The following NCOR2 variants were observed in gnomAD, a reference collection of about 807,000 sequenced individuals.
The protein encoded by NCOR2 is nuclear receptor corepressor 2.
A neutral mutation model predicts 262.9 loss-of-function variants in NCOR2; 81 were observed. That is an observed-to-expected ratio of 0.31 (90% CI 0.26 to 0.37). The LOEUF is 0.37. Ranked by LOEUF, NCOR2 falls within the 10% of genes least tolerant of loss-of-function variation. The pLI is 1.00. For missense variants in NCOR2, 3,385 were observed against 3,621.4 expected (o/e 0.93, Z 1.68); for synonymous variants, 1,659 against 1,559.3 (o/e 1.06, Z -1.51).
chr12:124,392,462 G>A (rs955628555), intron 16 of NCOR2, among the ~76,000 whole-genome samples: 3 of 152,082 alleles, frequency 2.0e-5, no homozygotes, highest in African/African-American at 7.2e-5. Context: ...CCGAGGCACC[G>A]CACCGTCCCT....
chr12:124,354,039 G>C, intron 27 of NCOR2, 54 bp downstream of exon 29: 1 of 1,495,530 alleles, frequency 6.7e-7, no homozygotes, highest in Non-Finnish European at 9.1e-7. Flanking sequence ...TATAAGATGG[G>C]CTGGCCCCGT....
At chr12:124,333,890 G>GTA (rs1555299246) in intron 41 of NCOR2, among the ~76,000 whole-genome samples, 2 of 143,352 alleles carry the variant, frequency 1.4e-5, no homozygotes, top group East Asian at 3.9e-4. Flanking sequence ...GTGTGCATGT[G>GTA]TGTGTGCGCG....
intron 15 of NCOR2, among the ~76,000 whole-genome samples, chr12:124,400,047 C>T (rs2041913910): frequency 1.3e-5 from 2 of 152,120 alleles, no homozygotes; most frequent in African/African-American, 4.8e-5. Flanking sequence ...CTCCCAACAA[C>T]AGCCACCTCA....
At chr12:124,515,576 T>C (rs1191054657) in intron 1 of NCOR2, among the ~76,000 whole-genome samples, 1 of 152,162 alleles carries the variant, frequency 6.6e-6, no homozygotes, top group Non-Finnish European at 1.5e-5. Flanking sequence ...AGTGTGTGTG[T>C]GCATGTGCGC....
At chr12:124,449,164 C>T (rs2045369271) in intron 7 of NCOR2, among the ~76,000 whole-genome samples, 1 of 152,166 alleles carries the variant, frequency 6.6e-6, no homozygotes, top group Non-Finnish European at 1.5e-5. Flanking sequence ...CCTTGTACCC[C>T]GCTTGAAGAT....
At chr12:124,335,765 C>A (rs573477531) in intron 38 of NCOR2, 133 bp from the exon 41 acceptor site, 16 of 1,020,488 alleles carry the variant, frequency 1.6e-5, no homozygotes, top group Non-Finnish European at 1.8e-5. Context: ...AGGGTTTGGG[C>A]TCCCAAAGAC....
chr12:124,525,929 C>A (rs2050443648), intron 1 of NCOR2, among the ~76,000 whole-genome samples: 1 of 152,112 alleles, frequency 6.6e-6, no homozygotes, highest in Non-Finnish European at 1.5e-5. Context: ...AGAGTACATG[C>A]GTGTATGTAT....
intron 7 of NCOR2, among the ~76,000 whole-genome samples, chr12:124,439,079 A>AGG (rs2044620639): frequency 7.1e-6 from 1 of 140,166 alleles, no homozygotes; most frequent in Non-Finnish European, 1.6e-5. Context: ...ACCCAGAGAG[A>AGG]GAAACAGAGA....
At chr12:124,468,144 A>T (rs1593684568) in intron 4 of NCOR2, among the ~76,000 whole-genome samples, 1 of 42,720 alleles carries the variant, frequency 2.3e-5, no homozygotes, top group Non-Finnish European at 4.1e-5. Flanking sequence ...CCTCATCACC[A>T]TCACCCTCAT....
intron 11 of NCOR2, 92 bp downstream of exon 13, chr12:124,426,515 AGCACCCCCCGGCATG>A (rs1351466899): frequency 8.8e-7 from 1 of 1,139,330 alleles, no homozygotes; most frequent in Non-Finnish European, 1.2e-6. Flanking sequence ...TGCGGTTTTA[AGCACCCCCCGGCATG>A]CTCATTTGTG....
intron 6 of NCOR2, among the ~76,000 whole-genome samples, chr12:124,456,307 A>G (rs923021259): frequency 6.6e-6 from 1 of 152,336 alleles, no homozygotes; most frequent in East Asian, 1.9e-4. Flanking sequence ...ACGGCCATCC[A>G]TGCTGACCAG....
chr12:124,515,656 TGA>T (rs61652919), intron 1 of NCOR2, among the ~76,000 whole-genome samples: 92,721 of 151,642 alleles, frequency 0.61, 30,627 homozygotes, highest in East Asian at 0.88. Context: ...CATATGAGTG[TGA>T]GTGTGCATGT....
chr12:124,563,960 T>C (rs982927397), intron 1 of NCOR2, among the ~76,000 whole-genome samples: 7 of 152,264 alleles, frequency 4.6e-5, no homozygotes, highest in Admixed American at 3.9e-4. Context: ...ATCCAAGCTG[T>C]GTGACCTTGG....
At chr12:124,439,343 AGAGAGAGAGG>A (rs2044665894) in intron 7 of NCOR2, among the ~76,000 whole-genome samples, 2 of 67,928 alleles carry the variant, frequency 2.9e-5, no homozygotes, top group African/African-American at 5.8e-5. Flanking sequence ...ACAGAGACCC[AGAGAGAGAGG>A]GAGACAGAGA....
rs948734424 is a variant in NCOR2 at position 124,531,869 on chromosome 12, C to G, written c.-118+3696G>C. 2.0e-5 allele frequency among the ~76,000 whole-genome samples: 3 copies of G among 151,696 alleles called. No homozygotes were observed. Among genetic ancestry groups the G allele is most frequent in the Admixed American group, 1.3e-4 (2 of 15,252 alleles). On this transcript the variant is annotated intron_variant, in intron 1 of 46. Coordinates refer to the NCOR2 transcript ENST00000404621. This position sits in a 1 kb window ranked among gnomAD's most constrained non-coding sequence, Gnocchi z 4.5. ...CCCTCACCCCAATGTATAGACAATC[C>G]CAGACACCCACCTCCCCACCCCACT...
chr12:124,518,685 C>T (rs1037616737), intron 1 of NCOR2, among the ~76,000 whole-genome samples: 2 of 152,402 alleles, frequency 1.3e-5, no homozygotes, highest in Admixed American at 1.3e-4. Context: ...CATGGTAACC[C>T]TGGCGGGCTT....
chr12:124,466,123 C>G, intron 5 of NCOR2, 50 bp downstream of exon 7: 2 of 1,520,360 alleles, frequency 1.3e-6, no homozygotes, highest in Non-Finnish European at 1.8e-6. Context: ...CCCTGTGAAG[C>G]GCCTCATGGC....
intron 44 of NCOR2, among the ~76,000 whole-genome samples, chr12:124,330,218 A>G (rs1008111990): frequency 3.9e-5 from 6 of 152,268 alleles, no homozygotes; most frequent in Admixed American, 3.9e-4. Flanking sequence ...CTGCCCATGC[A>G]GAGTGACCCC....
chr12:124,439,347 A>G (rs1315518139), intron 7 of NCOR2, among the ~76,000 whole-genome samples: 2 of 137,056 alleles, frequency 1.5e-5, no homozygotes, highest in South Asian at 2.5e-4. Flanking sequence ...AGACCCAGAG[A>G]GAGAGGGAGA....
Sources: gnomAD v4.1 joint callset for allele counts (sites outside exome capture counted in the v4.1 genomes callset) on GRCh38, gnomAD v4.1.1 for gene constraint, Gnocchi (gnomAD v3.1) non-coding constraint, MANE v1.5 for transcripts, NCBI Gene and HGNC (gene_info 2026-07-23, HGNC 2026-07-21) for gene names.